Variants in WDFY4 observed in about 807,000 individuals in gnomAD.
The protein encoded by WDFY4 is WD repeat- and FYVE domain-containing protein 4.
In WDFY4, 169 loss-of-function variants were observed where a neutral mutation model predicts 351.9. That is an observed-to-expected ratio of 0.48 (90% CI 0.42 to 0.55). WDFY4 has a LOEUF of 0.55. Among genes scored for constraint, WDFY4 ranks in the 20% least tolerant of loss-of-function variants. The pLI is 0.00. For missense variants in WDFY4, 3,803 were observed against 3,935.6 expected (o/e 0.97, Z 0.90); for synonymous variants, 1,622 against 1,574.6 (o/e 1.03, Z -0.71).
chr10:48,943,360 A>G lies in WDFY4; in HGVS notation c.7660A>G (p.Met2554Val). The change falls in exon 49 of 62, where the codon ATG becomes GTG. Residue 2554 changes from methionine (M) to valine (V), a missense_variant. Around this residue, in one of 3 missense-constraint regions of WDFY4, gnomAD observed 3,054 missense variants for 3,148.6 expected, o/e 0.97. Coordinates refer to ENST00000325239, the MANE Select transcript of WDFY4 (RefSeq NM_001394531.1). ...GGACATCAGCAATTTTGAGTATCTC[A>G]TGTACCTCAACACCGCGGCTGGGAG... ...KRDISNFEYL[M>V]YLNTAAGRTC... 6.4e-7 allele frequency: 1 copy of G among 1,551,204 alleles called. No individual in the cohort carries two copies.
chr10:48,770,765 T>A (rs1266305351), intron 13 of WDFY4, among the ~76,000 whole-genome samples: 1 of 152,250 alleles, frequency 6.6e-6, no homozygotes. Context: ...CAGTTTCTGA[T>A]CCTTGTTGGG....
At chr10:48,761,209 G>T (rs2065491068) in intron 13 of WDFY4, among the ~76,000 whole-genome samples, 1 of 152,150 alleles carries the variant, frequency 6.6e-6, no homozygotes, top group Non-Finnish European at 1.5e-5. Flanking sequence ...GAAGGGCCAG[G>T]AGCAAGGGCT....
At chr10:48,688,748 A>G (rs2063120513) in intron 1 of WDFY4, among the ~76,000 whole-genome samples, 1 of 152,184 alleles carries the variant, frequency 6.6e-6, no homozygotes, top group Non-Finnish European at 1.5e-5. Flanking sequence ...GCTTGCCCCA[A>G]AGTGATAATA....
chr10:48,836,624 C>A (rs1385725923), intron 39 of WDFY4, among the ~76,000 whole-genome samples: 4 of 152,178 alleles, frequency 2.6e-5, no homozygotes, highest in African/African-American at 2.4e-5. Context: ...ATGTTTTATT[C>A]CTGGTGGGTG....
At chr10:48,976,669 G>T (rs973393399) in intron 58 of WDFY4, 128 bp from the exon 59 acceptor site, 1 of 844,884 alleles carries the variant, frequency 1.2e-6, no homozygotes. Context: ...GAAGTTTTGG[G>T]GTACCTTGGG....
At chr10:48,874,363 A>G (rs1020244010) in intron 41 of WDFY4, among the ~76,000 whole-genome samples, 3 of 152,194 alleles carry the variant, frequency 2.0e-5, no homozygotes, top group Non-Finnish European at 4.4e-5. Context: ...ATAGTTTTTC[A>G]TGTCTTTATT....
intron 30 of WDFY4, among the ~76,000 whole-genome samples, chr10:48,811,922 T>C (rs1478057788): frequency 2.0e-5 from 3 of 152,158 alleles, no homozygotes; most frequent in Non-Finnish European, 2.9e-5. Flanking sequence ...TCTGCTCCCA[T>C]CCTTCCTCCC....
intron 43 of WDFY4, among the ~76,000 whole-genome samples, chr10:48,889,668 CCACTTGAT>C (rs1481287217): frequency 6.6e-6 from 1 of 152,032 alleles, no homozygotes; most frequent in African/African-American, 2.4e-5. Flanking sequence ...ATGTAAGGAC[CCACTTGAT>C]CCTTACCACA....
intron 39 of WDFY4, among the ~76,000 whole-genome samples, chr10:48,845,470 G>T (rs2068744292): frequency 6.7e-6 from 1 of 149,742 alleles, no homozygotes; most frequent in Non-Finnish European, 1.5e-5. Context: ...AAAAAGAGGT[G>T]CCCAGAAGAG....
intron 1 of WDFY4, among the ~76,000 whole-genome samples, chr10:48,696,309 G>A (rs530308257): frequency 1.3e-5 from 2 of 152,318 alleles, no homozygotes; most frequent in South Asian, 2.1e-4. Flanking sequence ...GCCATGCAGG[G>A]CCCACAGGGA....
At chr10:48,756,578 G>A (rs572181329) in intron 12 of WDFY4, among the ~76,000 whole-genome samples, 1 of 151,978 alleles carries the variant, frequency 6.6e-6, no homozygotes, top group African/African-American at 2.4e-5. Flanking sequence ...CTTTGCCATT[G>A]AATATAACAT....
chr10:48,881,234 G>A (rs529054388), intron 43 of WDFY4, among the ~76,000 whole-genome samples: 19 of 152,376 alleles, frequency 1.2e-4, no homozygotes, highest in Middle Eastern at 3.4e-3. Context: ...AAGAAGGGGC[G>A]TTGGAAGAAC....
rs530824295 is a variant in WDFY4, at chr10:48,943,891, G to A, written c.7749+442G>A. Among the ~76,000 whole-genome samples the A allele has an allele frequency of 7.0e-4, 107 of 152,310 alleles. 4 individuals are homozygous for A. The South Asian group carries it at 0.021, about 30-fold the overall frequency. Reference sequence around the variant, plus strand: ...ATTACAGGCATGAGCCACTGTGCCCGGCCTCAGATCTCTTAACCCCACTGT... The same window carrying A: ...ATTACAGGCATGAGCCACTGTGCCCAGCCTCAGATCTCTTAACCCCACTGT... On this transcript the variant is annotated intron_variant, in intron 49 of 61. Coordinates refer to ENST00000325239, the MANE Select transcript of WDFY4 (RefSeq NM_001394531.1).
chr10:48,781,232 G>GTGTGTGTGTGTATATATATA (rs1565190503), intron 19 of WDFY4, among the ~76,000 whole-genome samples: 2 of 151,180 alleles, frequency 1.3e-5, no homozygotes, highest in Non-Finnish European at 2.9e-5. Context: ...ATATATATGT[G>GTGTGTGTGTGTATATATATA]TGTGTGTGTG....
chr10:48,906,663 G>A (rs1025598645), intron 47 of WDFY4, among the ~76,000 whole-genome samples: 1 of 152,208 alleles, frequency 6.6e-6, no homozygotes, highest in Admixed American at 6.5e-5. Context: ...GCAGGGAAAG[G>A]GGGCAGCTAG....
intron 12 of WDFY4, among the ~76,000 whole-genome samples, chr10:48,749,980 G>C (rs1413516721): frequency 6.6e-6 from 1 of 152,108 alleles, no homozygotes; most frequent in African/African-American, 2.4e-5. Flanking sequence ...TAGCCCTAAG[G>C]GGACATCATT....
At chr10:48,747,668 C>T (rs1440712102) in intron 12 of WDFY4, among the ~76,000 whole-genome samples, 3 of 152,122 alleles carry the variant, frequency 2.0e-5, no homozygotes. Context: ...ATTTCAATGA[C>T]AGTATTTTAT....
intron 1 of WDFY4, among the ~76,000 whole-genome samples, chr10:48,688,791 G>A (rs761667208): frequency 1.4e-4 from 22 of 152,158 alleles, no homozygotes; most frequent in Non-Finnish European, 2.5e-4. Flanking sequence ...AGAGTGGTCA[G>A]ATTCTAGATA....
intron 47 of WDFY4, chr10:48,909,335 A>G (rs1180820299): frequency 6.6e-6 from 1 of 152,028 alleles, no homozygotes; most frequent in Non-Finnish European, 1.5e-5. Flanking sequence ...CTGCCTACCT[A>G]TGCACCATTG....
Sources: allele counts gnomAD v4.1 joint callset (sites outside exome capture counted in the v4.1 genomes callset), GRCh38; gene constraint gnomAD v4.1.1; regional missense constraint gnomAD v4.1.1; transcripts MANE v1.5; gene names NCBI Gene and HGNC (gene_info 2026-07-23, HGNC 2026-07-21).